The following ADGRB1 variants were observed in gnomAD, a reference collection of about 807,000 sequenced individuals.
ADGRB1 encodes brain-specific angiogenesis inhibitor 1.
In ADGRB1, 36 loss-of-function variants were observed where a neutral mutation model predicts 175.7. That is an observed-to-expected ratio of 0.20 (90% confidence interval 0.16 to 0.27). The LOEUF is 0.27. Among genes scored for constraint, ADGRB1 ranks in the 10% least tolerant of loss-of-function variants. The pLI is 1.00. For synonymous variants in ADGRB1, 1,054 were observed against 979.4 expected, an observed-to-expected ratio of 1.08 and a Z score of -1.42; for missense variants, 1,731 against 2,255.3, an observed-to-expected ratio of 0.77 and a Z score of 4.71.
chr8:142,498,254 G>T (rs939338446), intron 17 of ADGRB1, among the ~76,000 whole-genome samples: 2 of 152,202 alleles, frequency 1.3e-5, no homozygotes, highest in Non-Finnish European at 2.9e-5. Flanking sequence ...CAGAGCAGAA[G>T]CCCCCGAGGG....
chr8:142,451,554 G>A (rs1336781757), intron 1 of ADGRB1, among the ~76,000 whole-genome samples: 1 of 152,070 alleles, frequency 6.6e-6, no homozygotes, highest in African/African-American at 2.4e-5. Context: ...TCCCGCCCCA[G>A]AGGAGCCGCT....
rs780631529 is a variant in ADGRB1 at position 142,504,097 on chromosome 8, C to T, written c.2676-6835C>T. Among the ~76,000 whole-genome samples, 2 of 152,186 alleles carry T rather than the reference C, an allele frequency of 1.3e-5. No homozygotes were observed. The highest frequency in any genetic ancestry group is 2.4e-5 in the African/African-American group (1 of 41,444). ...CAGGCAGGTGTTCAAATGCCAAGGT[C>T]GATGGGTCACAGCGACCAGGATCTC... On this transcript the variant is annotated intron_variant, in intron 17 of 30. Transcript: ENST00000517894. The surrounding 1 kb of genome is among the most constrained non-coding windows in gnomAD (Gnocchi z 5.6).
At chr8:142,471,217 A>T (rs1424461256) in intron 2 of ADGRB1, among the ~76,000 whole-genome samples, 2 of 152,190 alleles carry the variant, frequency 1.3e-5, no homozygotes, top group Non-Finnish European at 2.9e-5. Context: ...GGATGGCAGG[A>T]TGGGGCCCCA....
At chr8:142,465,353 C>T (rs114442965) in intron 2 of ADGRB1, among the ~76,000 whole-genome samples, 2,194 of 152,280 alleles carry the variant, frequency 0.014, 50 homozygotes, top group African/African-American at 0.05. Context: ...GGAGAGGGCC[C>T]GCCCTTTCTC....
intron 12 of ADGRB1, 123 bp from the exon 13 acceptor site, chr8:142,484,533 C>T (rs1443895023): frequency 9.7e-6 from 10 of 1,028,042 alleles, no homozygotes; most frequent in Non-Finnish European, 1.4e-5. Context: ...AGGTCACCAG[C>T]CCCACTTCCT....
At position 142,484,114 on chromosome 8, in the gene ADGRB1, C is replaced by T. The variant is rs1841534055; in HGVS notation, c.2199+69C>T. ...CAGGCACAGCTGGTGCCTCCCTGGT[C>T]TCCAGTCGGCCTGGGGTGGGGTCCC... On this transcript the variant is annotated intron_variant, in intron 12 of 30. Coordinates refer to ENST00000517894, the MANE Select transcript of ADGRB1 (RefSeq NM_001702.3). 7 of 1,438,436 alleles carry T rather than the reference C, an allele frequency of 4.9e-6. No individual in the cohort carries two copies. In the East Asian group the frequency reaches 1.6e-4, roughly 33 times the overall value. 89.1% of individuals were successfully genotyped at this position (1,438,436 alleles called of 1,614,324 possible). A position where few individuals can be genotyped will look rare whatever the true frequency, so the allele number is the denominator to read the frequency against.
At position 142,508,427 on chromosome 8, in the gene ADGRB1, C is replaced by T. The variant is rs111772151; in HGVS notation, c.2676-2505C>T. On this transcript the variant is annotated intron_variant, in intron 17 of 30. Transcript: ENST00000517894. ...GGCCAGGATGTAGGATCTGGGGTGT[C>T]ATTTGGAGCACCAGGACTTTCCAGG... 8.9e-3 allele frequency among the ~76,000 whole-genome samples: 1,353 copies of T among 152,278 alleles called. 29 individuals are homozygous for T. Among genetic ancestry groups the T allele is most frequent in the African/African-American group, 0.031 (1,290 of 41,552 alleles).
At chr8:142,502,245 GTGGTGC>G (rs1177518874) in intron 17 of ADGRB1, among the ~76,000 whole-genome samples, 4 of 149,688 alleles carry the variant, frequency 2.7e-5, no homozygotes, top group East Asian at 2.0e-4. Flanking sequence ...GGTGATGGTG[GTGGTGC>G]TGGTGGTGAT....
chr8:142,481,428 G>A (rs1052278277), intron 10 of ADGRB1, 68 bp downstream of exon 10: 2 of 1,594,018 alleles, frequency 1.3e-6, no homozygotes, highest in Non-Finnish European at 1.7e-6. Context: ...TTGGGACCCT[G>A]CAGAGGGTCC....
chr8:142,531,758 C>T (rs930180438), intron 24 of ADGRB1, among the ~76,000 whole-genome samples: 3 of 152,138 alleles, frequency 2.0e-5, no homozygotes, highest in African/African-American at 7.2e-5. Context: ...AGATCCCTGC[C>T]GGACAGCATC....
chr8:142,496,769 T>C (rs914667286), intron 17 of ADGRB1, among the ~76,000 whole-genome samples: 1 of 152,144 alleles, frequency 6.6e-6, no homozygotes, highest in Middle Eastern at 3.2e-3. Context: ...GCCCTTACCA[T>C]GCTACCCTAG....
At chr8:142,525,329 G>A (rs1844111083) in intron 23 of ADGRB1, among the ~76,000 whole-genome samples, 1 of 151,936 alleles carries the variant, frequency 6.6e-6, no homozygotes, top group Admixed American at 6.5e-5. Context: ...TGGGGATGGA[G>A]GTTGTGGGAA....
chr8:142,487,453 A>G (rs912882724), intron 13 of ADGRB1, among the ~76,000 whole-genome samples: 1 of 152,112 alleles, frequency 6.6e-6, no homozygotes, highest in Admixed American at 6.5e-5. Flanking sequence ...GCTGCCAGTG[A>G]CATCCATGGT....
chr8:142,520,411 GTGATAGTGGTAATGATTGTATGA>G, intron 19 of ADGRB1, among the ~76,000 whole-genome samples: 1 of 20,522 alleles, frequency 4.9e-5, no homozygotes, highest in Non-Finnish European at 1.1e-4. Context: ...GTTGGTAATG[GTGATAGTGGTAATGATTGTATGA>G]TGATGGTGGT....
At chr8:142,523,131 G>T (rs888306666) in intron 22 of ADGRB1, among the ~76,000 whole-genome samples, 1 of 152,232 alleles carries the variant, frequency 6.6e-6, no homozygotes, top group South Asian at 2.1e-4. Context: ...GCAGGGCAGG[G>T]GTCGGAGGCT....
At chr8:142,508,601 T>C (rs1201228359) in intron 17 of ADGRB1, among the ~76,000 whole-genome samples, 1 of 152,214 alleles carries the variant, frequency 6.6e-6, no homozygotes, top group Non-Finnish European at 1.5e-5. Flanking sequence ...TCGGCCATCC[T>C]GTGTTGCGGA....
rs1311521610 is a variant in ADGRB1, at chr8:142,542,582, G to A, written c.4348G>A (p.Gly1450Arg). Residue 1450 changes from glycine to arginine, a missense_variant, in exon 28 of 31, where the codon GGA becomes AGA. By Grantham distance (125) the Gly-to-Arg change is moderately radical (BLOSUM62 -2). Around this residue, in one of 8 missense-constraint regions of ADGRB1, gnomAD observed 394 missense variants for 410.2 expected, o/e 0.96. Transcript: ENST00000517894. This position sits in a 1 kb window ranked among gnomAD's most constrained non-coding sequence, Gnocchi z 6.3. ...TCCCGGGGAGCCTGCCGCCCATCCG[G>A]GACCCAGCACGGGGCCCAGCACCAA... is the stretch of plus-strand genomic sequence containing the variant. ...GDPGEPAAHP[G>R]PSTGPSTKNE... 7.1e-6 allele frequency: 11 copies of A among 1,539,762 alleles called. No individual in the cohort carries two copies. In the African/African-American group the frequency reaches 9.8e-5, roughly 14 times the overall value.
chr8:142,465,821 AAG>A (rs911728450), intron 2 of ADGRB1, among the ~76,000 whole-genome samples: 7 of 152,118 alleles, frequency 4.6e-5, no homozygotes, highest in African/African-American at 1.7e-4. Flanking sequence ...TCATGCCAGG[AAG>A]AGAGAACGGC....
chr8:142,456,806 C>G (rs868845466), intron 1 of ADGRB1, among the ~76,000 whole-genome samples: 1 of 152,258 alleles, frequency 6.6e-6, no homozygotes, highest in Non-Finnish European at 1.5e-5. Flanking sequence ...TCCCGGGATA[C>G]AGCCTCCTCT....
Sources: gnomAD v4.1 joint callset for allele counts (sites outside exome capture counted in the v4.1 genomes callset) on GRCh38, gnomAD v4.1.1 for gene constraint, gnomAD v4.1.1 regional missense constraint, Gnocchi (gnomAD v3.1) non-coding constraint, MANE v1.5 for transcripts, NCBI Gene and HGNC (gene_info 2026-07-23, HGNC 2026-07-21) for gene names.